Variants in CDH4 observed in about 807,000 individuals in gnomAD.
The protein encoded by CDH4 is cadherin-4.
Under a neutral mutation model 86.0 loss-of-function variants are expected in CDH4, and 33 were observed. The ratio of observed to expected loss-of-function variants is 0.38; its 90% CI spans 0.29 to 0.51. CDH4 has a LOEUF of 0.51. Ranked by LOEUF, CDH4 falls within the 20% of genes least tolerant of loss-of-function variation. The pLI is 0.86. For synonymous variants in CDH4, 555 were observed against 549.4 expected (o/e 1.01, Z -0.14); for missense variants, 1,114 against 1,307.4 (o/e 0.85, Z 2.28).
intron 2 of CDH4, among the ~76,000 whole-genome samples, chr20:61,602,694 TAAAA>T (rs10641053): frequency 3.2e-3 from 283 of 89,118 alleles, no homozygotes; most frequent in Middle Eastern, 6.8e-3. Context: ...TTCACTTTAT[TAAAA>T]AAAAAAAAAA....
Position 61,890,382 on chromosome 20 carries a change from G to A in CDH4, c.1051-4528G>A, listed in dbSNP as rs552303959. 2.0e-4 allele frequency among the ~76,000 whole-genome samples: 30 copies of A among 151,502 alleles called. No individual in the cohort carries two copies. In the East Asian group the frequency reaches 4.1e-3, roughly 21 times the overall value. ...ATGGATAATGGATGGGTAAGCAGAT[G>A]GTGGATGGTAGATGGGTGGATGGAT... On this transcript the variant is annotated intron_variant, in intron 7 of 15. Transcript: ENST00000614565.
intron 6 of CDH4, among the ~76,000 whole-genome samples, chr20:61,860,461 G>A (rs750252220): frequency 6.6e-6 from 1 of 152,220 alleles, no homozygotes; most frequent in African/African-American, 2.4e-5. Context: ...GCCAACCATG[G>A]CCATGCCTGA....
intron 4 of CDH4, among the ~76,000 whole-genome samples, chr20:61,832,319 A>T (rs1028382648): frequency 1.3e-5 from 2 of 152,124 alleles, no homozygotes; most frequent in African/African-American, 2.4e-5. Flanking sequence ...CAGTTTCCTC[A>T]TCTGTAACAG....
In CDH4 at chr20:61,375,958, GCAC is replaced by G. The variant is rs1568819259; in HGVS notation, c.169+121022_169+121024del. ...GATGGTGGTGCTGGTGGTGGTCATA[GCAC>G]TGGTGGTGATGGTATGGTTTGTTGA... On this transcript the variant is annotated intron_variant, in intron 2 of 15. Transcript: ENST00000614565. Among the ~76,000 whole-genome samples, 37 of 113,362 alleles carry G rather than the reference GCAC, an allele frequency of 3.3e-4. 1 individual carries two copies. The highest frequency in any genetic ancestry group is 4.8e-4 in the Non-Finnish European group (25 of 52,512). The allele number at this position is 113,362 out of a possible 152,430, so 74.4% of individuals were successfully genotyped here.
chr20:61,711,571 G>T (rs1002820901), intron 2 of CDH4, among the ~76,000 whole-genome samples: 10 of 152,122 alleles, frequency 6.6e-5, no homozygotes, highest in African/African-American at 2.4e-4. Flanking sequence ...TCATAAGGAC[G>T]CTGTGAGGAC....
intron 2 of CDH4, among the ~76,000 whole-genome samples, chr20:61,404,081 A>G (rs2085065421): frequency 1.3e-5 from 2 of 152,200 alleles, no homozygotes; most frequent in Non-Finnish European, 2.9e-5. Context: ...TTGGACTCCC[A>G]GGAGCTGGGC....
intron 2 of CDH4, among the ~76,000 whole-genome samples, chr20:61,668,847 T>G (rs1371970017): frequency 1.3e-5 from 2 of 152,184 alleles, no homozygotes; most frequent in African/African-American, 2.4e-5. Context: ...AAGGAAAGGA[T>G]GCAAGGAAAA....
At chr20:61,797,828 A>T (rs1360352268) in intron 4 of CDH4, among the ~76,000 whole-genome samples, 1 of 152,100 alleles carries the variant, frequency 6.6e-6, no homozygotes, top group Non-Finnish European at 1.5e-5. Context: ...AGGCCTCCCC[A>T]CTGAGGTTCT....
Position 61,902,497 on chromosome 20 carries a change from C to T in CDH4, c.1188+7450C>T, listed in dbSNP as rs2054737490. On this transcript the variant is annotated intron_variant, in intron 8 of 15. Transcript: ENST00000614565. The surrounding 1 kb of genome is among the most constrained non-coding windows in gnomAD (Gnocchi z 4.6). ...CCCCACCTTCCCAGGGATTTGCAGG[C>T]AAATGAGCGGCCGTTGACACAGGGA... Among the ~76,000 whole-genome samples, 1 of 152,228 alleles carries T rather than the reference C, an allele frequency of 6.6e-6. No homozygotes were observed. Among genetic ancestry groups the T allele is most frequent in the Non-Finnish European group, 1.5e-5 (1 of 68,044 alleles).
chr20:61,932,582 CACAG>C (rs2055124664), intron 13 of CDH4, among the ~76,000 whole-genome samples: 1 of 151,874 alleles, frequency 6.6e-6, no homozygotes, highest in Non-Finnish European at 1.5e-5. Context: ...CGAGCACACA[CACAG>C]ATCTACACGC....
chr20:61,460,363 C>T, intron 2 of CDH4, among the ~76,000 whole-genome samples: 1 of 152,156 alleles, frequency 6.6e-6, no homozygotes, highest in East Asian at 1.9e-4. Context: ...CCCAGGTGAT[C>T]TGAGGGTGAG....
intron 2 of CDH4, among the ~76,000 whole-genome samples, chr20:61,323,539 A>G (rs2084520413): frequency 6.6e-6 from 1 of 152,226 alleles, no homozygotes. Context: ...AGCCAGTGAC[A>G]TTCAGCTTCT....
chr20:61,507,387 C>T (rs931970664), intron 2 of CDH4, among the ~76,000 whole-genome samples: 3 of 152,104 alleles, frequency 2.0e-5, no homozygotes, highest in Non-Finnish European at 4.4e-5. Flanking sequence ...TATTGGAAGC[C>T]AGGAATCCAA....
chr20:61,860,968 A>G (rs1440250831), intron 6 of CDH4, among the ~76,000 whole-genome samples: 5 of 152,176 alleles, frequency 3.3e-5, no homozygotes, highest in Admixed American at 6.5e-5. Context: ...GCAGCCCCCC[A>G]GGGTGCCTTT....
At chr20:61,608,820 G>A (rs1214261049) in intron 2 of CDH4, among the ~76,000 whole-genome samples, 1 of 152,136 alleles carries the variant, frequency 6.6e-6, no homozygotes, top group Non-Finnish European at 1.5e-5. Context: ...TCAGCCAAAC[G>A]CGGGGTGGTG....
chr20:61,884,165 T>C (rs898966910), intron 7 of CDH4, among the ~76,000 whole-genome samples: 10 of 152,022 alleles, frequency 6.6e-5, no homozygotes, highest in Admixed American at 5.9e-4. Context: ...GAGTTGGGCT[T>C]GTGGGGCGCA....
rs185030755 is a variant in CDH4 at position 61,807,401 on chromosome 20, G to A, written c.576+34219G>A. Among the ~76,000 whole-genome samples, 3 of 152,326 alleles carry A rather than the reference G, an allele frequency of 2.0e-5. No individual in the cohort carries two copies. Among genetic ancestry groups the A allele is most frequent in the African/African-American group, 4.8e-5 (2 of 41,566 alleles). On this transcript the variant is annotated intron_variant, in intron 4 of 15. Coordinates refer to ENST00000614565, the MANE Select transcript of CDH4 (RefSeq NM_001794.5). The surrounding 1 kb of genome is among the most constrained non-coding windows in gnomAD (Gnocchi z 4.5). The stretch of plus-strand genomic sequence containing the variant: ...CTGTAGAGTTTACCCTCAGCTTCTC[G>A]TAACAGGGTGTCTGGGTACCTAAAT...
At chr20:61,566,509 C>T (rs2086299094) in intron 2 of CDH4, among the ~76,000 whole-genome samples, 1 of 152,072 alleles carries the variant, frequency 6.6e-6, no homozygotes, top group Non-Finnish European at 1.5e-5. Flanking sequence ...CTATTTCCTT[C>T]AAGTGTCTCC....
chr20:61,420,392 G>T (rs953436789), intron 2 of CDH4, among the ~76,000 whole-genome samples: 2 of 152,234 alleles, frequency 1.3e-5, no homozygotes, highest in African/African-American at 4.8e-5. Context: ...AGGAAGGAAA[G>T]ATGCCATCTC....
Sources: gnomAD v4.1 joint callset for allele counts (sites outside exome capture counted in the v4.1 genomes callset) on GRCh38, gnomAD v4.1.1 for gene constraint, Gnocchi (gnomAD v3.1) non-coding constraint, MANE v1.5 for transcripts, NCBI Gene and HGNC (gene_info 2026-07-23, HGNC 2026-07-21) for gene names.